The following EIF3D variants were observed in gnomAD, a reference collection of about 807,000 sequenced individuals.
EIF3D encodes eIF3 p66.
Under a neutral mutation model 75.4 loss-of-function variants are expected in EIF3D, and 10 were observed. The observed-to-expected ratio is 0.13, with a 90% CI of 0.08 to 0.22. EIF3D has a LOEUF of 0.22. Ranked by LOEUF, EIF3D falls within the 10% of genes least tolerant of loss-of-function variation. The pLI is 1.00. For missense variants in EIF3D, 394 were observed against 708.0 expected (o/e 0.56, Z 5.03); for synonymous variants, 246 against 248.3 (o/e 0.99, Z 0.09).
At chr22:36,527,708 G>A (rs1603499143) in intron 1 of EIF3D, among the ~76,000 whole-genome samples, 1 of 152,242 alleles carries the variant, frequency 6.6e-6, no homozygotes, top group East Asian at 1.9e-4. Flanking sequence ...GCGTGGTGGC[G>A]GGCACCTGTA....
intron 9 of EIF3D, 34 bp downstream of exon 9, chr22:36,518,728 AT>A: frequency 6.2e-7 from 1 of 1,611,248 alleles, no homozygotes; most frequent in Non-Finnish European, 8.5e-7. Flanking sequence ...AAAATACTCA[AT>A]GCCTTTGAGT....
At chr22:36,525,879 C>T (rs1487551031) in intron 2 of EIF3D, 120 bp downstream of exon 2, 1 of 1,490,740 alleles carries the variant, frequency 6.7e-7, no homozygotes, top group Non-Finnish European at 9.0e-7. Flanking sequence ...TAACCTTTCT[C>T]AGCTGGCATC....
At chr22:36,519,583 C>T (rs1934480604) in intron 7 of EIF3D, 46 bp from the exon 8 acceptor site, 2 of 1,606,832 alleles carry the variant, frequency 1.2e-6, no homozygotes, top group Non-Finnish European at 1.7e-6. Context: ...AGAGATAACC[C>T]CCAGTTTTTT....
At chr22:36,516,914 C>CT in intron 10 of EIF3D, 124 bp from the exon 11 acceptor site, 1 of 858,786 alleles carries the variant, frequency 1.2e-6, no homozygotes, top group South Asian at 1.4e-5. Flanking sequence ...CTTGATGGGG[C>CT]TCTGAGCTCG....
chr22:36,511,482 A>G (rs1459401178), intron 14 of EIF3D, 21 bp downstream of exon 14: 4 of 1,613,234 alleles, frequency 2.5e-6, no homozygotes, highest in Non-Finnish European at 3.4e-6. Flanking sequence ...TCTAGACCTC[A>G]GAAAGTGGGC....
At chr22:36,525,800 G>A in intron 2 of EIF3D, 91 bp from the exon 3 acceptor site, 1 of 1,528,048 alleles carries the variant, frequency 6.5e-7, no homozygotes. Flanking sequence ...AGGACAGCGT[G>A]GAAGAGTCTC....
chr22:36,515,754 C>T (rs753085917), intron 12 of EIF3D, among the ~76,000 whole-genome samples: 117 of 152,092 alleles, frequency 7.7e-4, no homozygotes, highest in Non-Finnish European at 1.4e-3. Context: ...ACCAGAGTAA[C>T]GCGGTAACAC....
rs1053746228 is a variant in EIF3D at position 36,511,914 on chromosome 22, G to A, written c.1350-128C>T. ...TTTTTCTTTTTTTTTTTTTTGAGAC[G>A]GAGTCTGGCTCTGTTGCCCAGGCTG... On this transcript the variant is annotated intron_variant, in intron 13 of 14. Coordinates refer to ENST00000216190, the MANE Select transcript of EIF3D (RefSeq NM_003753.4). The A allele has an allele frequency of 1.9e-5, 25 of 1,294,406 alleles. No individual in the cohort carries two copies. The East Asian group carries it at 3.9e-4, about 20-fold the overall frequency. The allele number at this position is 1,294,406 out of a possible 1,614,324, so 80.2% of individuals were successfully genotyped here.
chr22:36,512,055 T>C (rs2005973), intron 13 of EIF3D, among the ~76,000 whole-genome samples: 6,883 of 152,138 alleles, frequency 0.045, 517 homozygotes, highest in African/African-American at 0.15. Flanking sequence ...TACGCCCGGC[T>C]AATTTTTTGT....
intron 1 of EIF3D, among the ~76,000 whole-genome samples, chr22:36,526,565 T>C (rs952713792): frequency 2.0e-5 from 3 of 152,152 alleles, no homozygotes; most frequent in African/African-American, 7.2e-5. Context: ...CCTTCACCAA[T>C]TCATACAAAC....
chr22:36,511,207 C>G, intron 14 of EIF3D: 1 of 816,734 alleles, frequency 1.2e-6, no homozygotes, highest in East Asian at 2.7e-5. Flanking sequence ...GCTATTTAAC[C>G]CGGAGCGGAG....
At chr22:36,525,419 A>G (rs4465875) in intron 3 of EIF3D, among the ~76,000 whole-genome samples, 3,375 of 151,830 alleles carry the variant, frequency 0.022, 71 homozygotes, top group Non-Finnish European at 0.037. Context: ...AATGTTTTCA[A>G]CAGGTTTTTA....
chr22:36,524,479 G>A (rs527620164), intron 4 of EIF3D, 117 bp downstream of exon 4: 12 of 1,456,400 alleles, frequency 8.2e-6, no homozygotes, highest in Middle Eastern at 2.5e-4. Flanking sequence ...CGAGATTCAC[G>A]AAAAGACCTA....
chr22:36,525,239 CTTTTTTTT>C (rs10709824), intron 3 of EIF3D, among the ~76,000 whole-genome samples: 6 of 93,942 alleles, frequency 6.4e-5, no homozygotes, highest in Admixed American at 1.3e-4. Context: ...AGGGGTTTTA[CTTTTTTTT>C]TTTTTTTTTT....
intron 6 of EIF3D, among the ~76,000 whole-genome samples, chr22:36,520,922 A>G (rs1934502686): frequency 1.3e-5 from 2 of 151,610 alleles, no homozygotes; most frequent in African/African-American, 4.9e-5. Flanking sequence ...GTCTCAAACA[A>G]CAACCACATA....
At chr22:36,523,321 A>G in intron 5 of EIF3D, 40 bp from the exon 6 acceptor site, 2 of 1,523,840 alleles carry the variant, frequency 1.3e-6, no homozygotes, top group Non-Finnish European at 1.8e-6. Flanking sequence ...AGACCTTTAA[A>G]CCAGTGGCTT....
chr22:36,527,517 C>T (rs948341219), intron 1 of EIF3D, among the ~76,000 whole-genome samples: 24 of 152,280 alleles, frequency 1.6e-4, no homozygotes, highest in African/African-American at 5.3e-4. Context: ...GCTTAGAAGG[C>T]GAGTTCCTAG....
intron 12 of EIF3D, among the ~76,000 whole-genome samples, chr22:36,514,827 C>G (rs1934397945): frequency 6.6e-6 from 1 of 152,100 alleles, no homozygotes; most frequent in Admixed American, 6.5e-5. Flanking sequence ...GATTTGTGGC[C>G]CCACCCAAAC....
intron 1 of EIF3D, among the ~76,000 whole-genome samples, chr22:36,528,127 A>C (rs6000302): frequency 0.31 from 46,447 of 151,852 alleles, 9,060 homozygotes; most frequent in African/African-American, 0.56. Context: ...CTTTAGAGGC[A>C]AAAATTTGAA....
Sources: allele counts gnomAD v4.1 joint callset (sites outside exome capture counted in the v4.1 genomes callset), GRCh38; gene constraint gnomAD v4.1.1; transcripts MANE v1.5; gene names NCBI Gene and HGNC (gene_info 2026-07-23, HGNC 2026-07-21).